Variants in PGM5 observed in about 807,000 individuals in gnomAD.
The protein encoded by PGM5 is phosphoglucomutase-like protein 5.
In PGM5, 23 loss-of-function variants were observed where a neutral mutation model predicts 59.2. That is an observed-to-expected ratio of 0.39 (90% CI 0.28 to 0.55). The LOEUF is 0.55. Ranked by LOEUF, PGM5 falls within the 20% of genes least tolerant of loss-of-function variation. PGM5 has a pLI of 0.66. For synonymous variants in PGM5, 214 were observed against 286.0 expected, an observed-to-expected ratio of 0.75 and a Z score of 2.54; for missense variants, 574 against 748.3, an observed-to-expected ratio of 0.77 and a Z score of 2.72.
intron 1 of PGM5, chr9:68,357,939 A>ACACACC (rs1834499534): frequency 1.8e-5 from 3 of 164,506 alleles, no homozygotes; most frequent in African/African-American, 7.2e-5. Flanking sequence ...ACACACACAC[A>ACACACC]CACACACACA....
intron 9 of PGM5, chr9:68,498,036 G>C (rs1554688323): frequency 6.6e-6 from 1 of 152,248 alleles, no homozygotes; most frequent in Non-Finnish European, 1.5e-5. Flanking sequence ...AAAGAAGTCA[G>C]GTAAGAAGTG....
At chr9:68,452,159 C>G (rs972026568) in intron 6 of PGM5, among the ~76,000 whole-genome samples, 1 of 152,186 alleles carries the variant, frequency 6.6e-6, no homozygotes, top group Non-Finnish European at 1.5e-5. Flanking sequence ...AACCCCCTGC[C>G]CCACCACAAG....
chr9:68,508,480 C>A (rs1467946762), intron 10 of PGM5, among the ~76,000 whole-genome samples: 8 of 152,166 alleles, frequency 5.3e-5, no homozygotes, highest in Admixed American at 3.9e-4. Flanking sequence ...TAATGCTATT[C>A]TAATTTCTAA....
intron 6 of PGM5, among the ~76,000 whole-genome samples, chr9:68,432,892 C>A (rs1331265169): frequency 3.9e-5 from 6 of 152,202 alleles, no homozygotes; most frequent in Non-Finnish European, 8.8e-5. Context: ...AAGGCACGAG[C>A]CACTGCGCCT....
At chr9:68,479,306 G>A (rs1824152401) in intron 7 of PGM5, 112 bp from the exon 8 acceptor site, 5 of 935,582 alleles carry the variant, frequency 5.3e-6, no homozygotes, top group Non-Finnish European at 8.0e-6. Flanking sequence ...ATGGGTAAAT[G>A]ATCCAATCAT....
At chr9:68,442,475 C>T (rs782051913) in intron 6 of PGM5, among the ~76,000 whole-genome samples, 2 of 152,160 alleles carry the variant, frequency 1.3e-5, no homozygotes, top group East Asian at 1.9e-4. Context: ...GTTGGCCAGG[C>T]TGGTCTTGAA....
At chr9:68,488,597 T>G (rs1024425949) in intron 9 of PGM5, among the ~76,000 whole-genome samples, 2 of 152,124 alleles carry the variant, frequency 1.3e-5, no homozygotes, top group Non-Finnish European at 2.9e-5. Flanking sequence ...CAATGTGGCA[T>G]GTTTGGTTTC....
chr9:68,516,855 TTTTTG>T (rs758826102), intron 10 of PGM5, among the ~76,000 whole-genome samples: 3 of 151,990 alleles, frequency 2.0e-5, no homozygotes, highest in Non-Finnish European at 4.4e-5. Flanking sequence ...TAGTTCTGTT[TTTTTG>T]TTTTGTTTTG....
chr9:68,478,895 A>C (rs2132089165), intron 7 of PGM5, among the ~76,000 whole-genome samples: 1 of 152,322 alleles, frequency 6.6e-6, no homozygotes, highest in African/African-American at 2.4e-5. Context: ...ACCACCAGCC[A>C]ACCTTAGGTC....
intron 6 of PGM5, among the ~76,000 whole-genome samples, chr9:68,408,174 C>T (rs1298792070): frequency 6.6e-6 from 1 of 152,028 alleles, no homozygotes; most frequent in Non-Finnish European, 1.5e-5. Context: ...GAAATGTGAG[C>T]GTGAAGAAAT....
chr9:68,423,774 C>T lies in PGM5; in HGVS notation c.1043+31301C>T, dbSNP rs147601576. Among the ~76,000 whole-genome samples the T allele has an allele frequency of 2.6e-5, 4 of 152,280 alleles. No homozygotes were observed. The East Asian group carries it at 7.7e-4, about 29-fold the overall frequency. ...AGTCAGAGACATCCCTCAAATACTA[C>T]ACCATGTTCCTCTGCATGGGAAAAG... On this transcript the variant is annotated intron_variant, in intron 6 of 10. Transcript: ENST00000396396.
intron 1 of PGM5, among the ~76,000 whole-genome samples, chr9:68,376,151 A>C: frequency 6.6e-6 from 1 of 152,164 alleles, no homozygotes; most frequent in Non-Finnish European, 1.5e-5. Flanking sequence ...CTTACTTTTT[A>C]ATAGGACCAT....
At chr9:68,376,855 T>C (rs1554677802) in intron 1 of PGM5, among the ~76,000 whole-genome samples, 20 of 142,056 alleles carry the variant, frequency 1.4e-4, no homozygotes, top group African/African-American at 5.1e-4. Context: ...TTCTTTCTCT[T>C]TCTTTCTTTT....
At chr9:68,476,699 C>G (rs1554686692) in intron 7 of PGM5, among the ~76,000 whole-genome samples, 3 of 152,192 alleles carry the variant, frequency 2.0e-5, no homozygotes, top group African/African-American at 7.2e-5. Context: ...TCATCATCAG[C>G]CCCTTATTAA....
intron 6 of PGM5, among the ~76,000 whole-genome samples, chr9:68,407,897 C>T (rs1428970073): frequency 2.0e-5 from 3 of 152,200 alleles, no homozygotes; most frequent in Non-Finnish European, 4.4e-5. Flanking sequence ...TGAAAGTGGA[C>T]TCCTTTGTTA....
At chr9:68,367,108 CACAA>C (rs200560694) in intron 1 of PGM5, among the ~76,000 whole-genome samples, 78 of 152,192 alleles carry the variant, frequency 5.1e-4, no homozygotes, top group Admixed American at 2.6e-3. Flanking sequence ...CTCATGCACA[CACAA>C]ACACACACAT....
chr9:68,510,804 A>T (rs1368656363), intron 10 of PGM5, among the ~76,000 whole-genome samples: 1 of 152,220 alleles, frequency 6.6e-6, no homozygotes, highest in East Asian at 1.9e-4. Context: ...CAAGCAACAC[A>T]TGTAAAGTAT....
intron 1 of PGM5, among the ~76,000 whole-genome samples, chr9:68,376,793 C>CTTTCTT (rs1325427473): frequency 9.5e-6 from 1 of 105,686 alleles, no homozygotes; most frequent in Admixed American, 1.0e-4. Flanking sequence ...TTCTTTCTTT[C>CTTTCTT]TTTCTTTCTT....
intron 1 of PGM5, among the ~76,000 whole-genome samples, chr9:68,361,296 T>C (rs1461567326): frequency 1.3e-5 from 2 of 152,202 alleles, no homozygotes; most frequent in Non-Finnish European, 2.9e-5. Flanking sequence ...TCACTCTTTG[T>C]TTATGTATTT....
Sources: gnomAD v4.1 joint callset for allele counts (sites outside exome capture counted in the v4.1 genomes callset) on GRCh38, gnomAD v4.1.1 for gene constraint, MANE v1.5 for transcripts, NCBI Gene and HGNC (gene_info 2026-07-23, HGNC 2026-07-21) for gene names.